TPCN1: variants seen among roughly 807,000 people sequenced by gnomAD.
TPCN1 encodes two pore segment channel 1.
TPCN1 carries 52 observed loss-of-function variants against 108.8 expected under a neutral mutation model. The ratio of observed to expected loss-of-function variants is 0.48; its 90% CI spans 0.38 to 0.60. TPCN1 has a LOEUF of 0.60. Among genes scored for constraint, TPCN1 ranks in the 20% least tolerant of loss-of-function variants. The probability of loss-of-function intolerance (pLI) is 0.00; values close to 1 mark genes in which losing one functional copy is unlikely to be tolerated. For missense variants in TPCN1, 806 were observed against 1,072.8 expected, an observed-to-expected ratio of 0.75 and a Z score of 3.47; for synonymous variants, 446 against 433.7, an observed-to-expected ratio of 1.03 and a Z score of -0.35.
In TPCN1 at chr12:113,266,077, C is replaced by G. The variant is rs1238767670; in HGVS notation, c.238-103C>G. ...TCTTCTGTCTCTGGCCTGAATCTCT[C>G]CTCGCCTGCCTGGGGCCTTCCTTTC... is the stretch of plus-strand genomic sequence containing the variant. On this transcript the variant is annotated intron_variant, in intron 3 of 27. Coordinates refer to ENST00000335509, the MANE Select transcript of TPCN1 (RefSeq NM_017901.6). This position sits in a 1 kb window ranked among gnomAD's most constrained non-coding sequence, Gnocchi z 4.2. The G allele has an allele frequency of 3.1e-6, 4 of 1,283,872 alleles. No homozygotes were observed. The highest frequency in any genetic ancestry group is 4.4e-6 in the Non-Finnish European group (4 of 911,862). The allele number at this position is 1,283,872 out of a possible 1,614,324, so 79.5% of individuals were successfully genotyped here.
chr12:113,277,419 G>C, intron 12 of TPCN1, 55 bp downstream of exon 12: 1 of 1,606,720 alleles, frequency 6.2e-7, no homozygotes, highest in Non-Finnish European at 8.5e-7. Context: ...TTCACGTCTA[G>C]AGTGAACGGG....
At chr12:113,293,829 C>T (rs555931752) in intron 27 of TPCN1, among the ~76,000 whole-genome samples, 8 of 152,234 alleles carry the variant, frequency 5.3e-5, no homozygotes, top group African/African-American at 1.9e-4. Context: ...GGCCCTACTG[C>T]GGTCGGGCTG....
At chr12:113,260,890 T>C (rs1235214679) in intron 3 of TPCN1, among the ~76,000 whole-genome samples, 1 of 152,118 alleles carries the variant, frequency 6.6e-6, no homozygotes, top group Non-Finnish European at 1.5e-5. Context: ...GAATTTTTTT[T>C]TTTTTGAAAA....
Position 113,260,444 on chromosome 12 carries a change from C to A in TPCN1, c.189C>A (p.Pro63=). The stretch of plus-strand genomic sequence containing the variant: ...GGGGTGAGAGTTCCCCCTCCAGCCC[C>A]GCACACAACTGGGAGATGAATTACC... ...SSGGESSPSS[P]AHNWEMNYQE... is the part of the protein sequence containing the mutation. Residue 63 remains proline (P), a synonymous_variant, in exon 3 of 28, where the codon CCC becomes CCA. Coordinates refer to ENST00000335509, the MANE Select transcript of TPCN1 (RefSeq NM_017901.6). The A allele has an allele frequency of 6.4e-7, 1 of 1,561,770 alleles. No homozygotes were observed. Among genetic ancestry groups the A allele is most frequent in the Non-Finnish European group, 8.6e-7 (1 of 1,157,688 alleles).
intron 19 of TPCN1, among the ~76,000 whole-genome samples, chr12:113,287,656 C>T (rs558319340): frequency 1.6e-4 from 24 of 152,354 alleles, no homozygotes; most frequent in African/African-American, 4.8e-4. Flanking sequence ...CATCCTCTCC[C>T]AAGGCGGGAC....
chr12:113,285,623 C>T (rs1956049197), intron 17 of TPCN1, among the ~76,000 whole-genome samples: 1 of 152,230 alleles, frequency 6.6e-6, no homozygotes, highest in African/African-American at 2.4e-5. Context: ...TGGTCCTCCT[C>T]TCTTGGCTTC....
intron 1 of TPCN1, among the ~76,000 whole-genome samples, chr12:113,223,237 A>G (rs760396650): frequency 2.0e-5 from 3 of 152,234 alleles, no homozygotes; most frequent in Admixed American, 2.0e-4. Context: ...CCTTGTTTCA[A>G]AACGTTGTAC....
rs1194129731 is a variant in TPCN1 at position 113,272,732 on chromosome 12, A to T, written c.783+40A>T. 1 of 1,601,908 alleles carries T rather than the reference A, an allele frequency of 6.2e-7. No individual in the cohort carries two copies. Among genetic ancestry groups the T allele is most frequent in the Admixed American group, 1.7e-5 (1 of 60,006 alleles). Reference sequence around the variant, plus strand: ...CATTTGTCCGTCTCTTCTTTTATGGAGGGCTTTTCCCTCAGACAGGGTCAC... The same window carrying T: ...CATTTGTCCGTCTCTTCTTTTATGGTGGGCTTTTCCCTCAGACAGGGTCAC... On this transcript the variant is annotated intron_variant, in intron 8 of 27. Transcript: ENST00000335509. The surrounding 1 kb of genome is among the most constrained non-coding windows in gnomAD (Gnocchi z 4.1).
At chr12:113,250,387 A>G (rs1474678923) in intron 2 of TPCN1, among the ~76,000 whole-genome samples, 1 of 152,246 alleles carries the variant, frequency 6.6e-6, no homozygotes, top group African/African-American at 2.4e-5. Context: ...AGGGGCAGCT[A>G]GTTCAGCTGC....
chr12:113,278,964 G>C, intron 14 of TPCN1, 129 bp downstream of exon 14: 1 of 811,062 alleles, frequency 1.2e-6, no homozygotes, highest in Admixed American at 2.1e-5. Context: ...GAATGCCTGT[G>C]TGAAGAGACA....
rs1467594673 is a variant in TPCN1, at chr12:113,232,354, A to G, written c.112+5390A>G. ...CCCTGGTCCCCTTTTCAGGGTCTTC[A>G]TGCAGCCAGGGCGAGTTGGCACCAG... On this transcript the variant is annotated intron_variant, in intron 2 of 27. Transcript: ENST00000335509. This position sits in a 1 kb window ranked among gnomAD's most constrained non-coding sequence, Gnocchi z 5.6. 2.0e-5 allele frequency among the ~76,000 whole-genome samples: 3 copies of G among 152,192 alleles called. No homozygotes were observed. The highest frequency in any genetic ancestry group is 2.9e-5 in the Non-Finnish European group (2 of 68,030).
chr12:113,254,268 A>G (rs1954756437), intron 2 of TPCN1, among the ~76,000 whole-genome samples: 1 of 152,238 alleles, frequency 6.6e-6, no homozygotes, highest in Middle Eastern at 3.2e-3. Flanking sequence ...AATAATACCA[A>G]TTTGACACAA....
intron 17 of TPCN1, among the ~76,000 whole-genome samples, chr12:113,285,259 C>G (rs1027848175): frequency 2.0e-5 from 3 of 152,254 alleles, no homozygotes; most frequent in African/African-American, 7.2e-5. Context: ...GCACTGGTCA[C>G]TTTTGCACAC....
chr12:113,272,606 T>G lies in TPCN1; in HGVS notation c.749-52T>G. 2.6e-6 allele frequency: 4 copies of G among 1,561,268 alleles called. No homozygotes were observed. Among genetic ancestry groups the G allele is most frequent in the Non-Finnish European group, 8.8e-7 (1 of 1,131,922 alleles). ...TTGTCCAGTCCTTTTGACACCAGGT[T>G]TTGGGACCTCTGCTCTAATCCTTTT... On this transcript the variant is annotated intron_variant, in intron 7 of 27. Transcript: ENST00000335509. The surrounding 1 kb of genome is among the most constrained non-coding windows in gnomAD (Gnocchi z 4.1).
At chr12:113,225,199 C>T (rs918872774) in intron 1 of TPCN1, 1 of 452,188 alleles carries the variant, frequency 2.2e-6, no homozygotes, top group Non-Finnish European at 4.4e-6. Context: ...GGCCTACAGG[C>T]ATATGCCATC....
chr12:113,295,906 G>A, intron 27 of TPCN1, 54 bp from the exon 28 acceptor site: 1 of 1,508,102 alleles, frequency 6.6e-7, no homozygotes, highest in Non-Finnish European at 8.9e-7. Flanking sequence ...TGTGGGGTGG[G>A]CGGGGCAGGG....
chr12:113,279,355 G>A (rs1354420108), intron 14 of TPCN1, among the ~76,000 whole-genome samples: 1 of 65,790 alleles, frequency 1.5e-5, no homozygotes, highest in Non-Finnish European at 2.7e-5. Flanking sequence ...ATGTGTGTGT[G>A]TGTGTATATA....
At position 113,297,748 on chromosome 12, in the gene TPCN1, A is replaced by G. The variant is rs1956473263; in HGVS notation, c.*1672A>G. ...TTGTCCTCTTCCTCTCTGGAGGGCC[A>G]TGGGCCATCAGCAGGAGCTCCACAT... On this transcript the variant is annotated 3_prime_UTR_variant, in exon 28 of 28. Coordinates refer to ENST00000335509, the MANE Select transcript of TPCN1 (RefSeq NM_017901.6). The surrounding 1 kb of genome is among the most constrained non-coding windows in gnomAD (Gnocchi z 4.4). 1 of 152,364 alleles carries G rather than the reference A, an allele frequency of 6.6e-6. No homozygotes were observed. The highest frequency in any genetic ancestry group is 2.1e-4 in the South Asian group (1 of 4,834). 9.4% of individuals were successfully genotyped at this position (152,364 alleles called of 1,614,324 possible).
chr12:113,242,878 C>T (rs1217660270), intron 2 of TPCN1, among the ~76,000 whole-genome samples: 1 of 152,184 alleles, frequency 6.6e-6, no homozygotes, highest in Non-Finnish European at 1.5e-5. Context: ...CCCTTGTCAT[C>T]CCAGCCCATT....
Sources: gnomAD v4.1 joint callset for allele counts (sites outside exome capture counted in the v4.1 genomes callset) on GRCh38, gnomAD v4.1.1 for gene constraint, Gnocchi (gnomAD v3.1) non-coding constraint, MANE v1.5 for transcripts, NCBI Gene and HGNC (gene_info 2026-07-23, HGNC 2026-07-21) for gene names.